Variants in DCP2 observed in about 807,000 individuals in gnomAD.
The protein encoded by DCP2 is m7GpppN-mRNA hydrolase.
Under a neutral mutation model 56.1 loss-of-function variants are expected in DCP2, and 30 were observed. That is an observed-to-expected ratio of 0.53 (90% CI 0.40 to 0.73). The LOEUF (loss-of-function observed/expected upper bound fraction) is 0.73. DCP2 is among the 30% of genes least tolerant of loss of function. The pLI is 0.00. For synonymous variants in DCP2, 197 were observed against 163.3 expected, an observed-to-expected ratio of 1.21 and a Z score of -1.57; for missense variants, 533 against 502.7, an observed-to-expected ratio of 1.06 and a Z score of -0.58.
intron 8 of DCP2, among the ~76,000 whole-genome samples, chr5:113,004,953 G>A (rs1181214328): frequency 6.6e-6 from 1 of 151,796 alleles, no homozygotes; most frequent in African/African-American, 2.4e-5. Flanking sequence ...GTGAAACCCC[G>A]TCTTTACTAA....
At chr5:112,995,041 A>C (rs4705744) in intron 4 of DCP2, among the ~76,000 whole-genome samples, 65,405 of 152,042 alleles carry the variant, frequency 0.43, 15,991 homozygotes, top group East Asian at 0.64. Context: ...AATAGTTAAA[A>C]TTTTTACAAA....
At chr5:112,983,170 T>C (rs1244451669) in intron 1 of DCP2, among the ~76,000 whole-genome samples, 1 of 152,216 alleles carries the variant, frequency 6.6e-6, no homozygotes, top group Non-Finnish European at 1.5e-5. Context: ...TATCAAAAAC[T>C]GATGAAGTCT....
intron 7 of DCP2, 90 bp from the exon 8 acceptor site, chr5:113,003,852 A>AT (rs1348311330): frequency 1.4e-5 from 20 of 1,418,442 alleles, no homozygotes; most frequent in Non-Finnish European, 2.0e-5. Flanking sequence ...AAATAAGAAA[A>AT]TATGTAGTCT....
intron 2 of DCP2, among the ~76,000 whole-genome samples, chr5:112,991,122 G>C (rs1428865454): frequency 6.6e-6 from 1 of 151,888 alleles, no homozygotes; most frequent in African/African-American, 2.4e-5. Flanking sequence ...TACCAATATG[G>C]TCTCTGAAAT....
rs1189423731 is a variant in DCP2 at position 113,020,441 on chromosome 5, C to CA, written c.*6960dup. On this transcript the variant is annotated 3_prime_UTR_variant, in exon 11 of 11. Transcript: ENST00000389063. ...TTCTTGGTGCTCTTTTGGAAATTGT[C>CA]AAACATTTACTGATAGCAGAAAAGG... The CA allele has an allele frequency of 2.6e-5, 4 of 152,136 alleles. No homozygotes were observed. Among genetic ancestry groups the CA allele is most frequent in the African/African-American group, 4.8e-5 (2 of 41,416 alleles). 9.4% of individuals were successfully genotyped at this position (152,136 alleles called of 1,614,324 possible).
chr5:113,000,916 G>C (rs907228754), intron 4 of DCP2, among the ~76,000 whole-genome samples, 168 bp from the exon 5 acceptor site: 2 of 152,116 alleles, frequency 1.3e-5, no homozygotes, highest in African/African-American at 4.8e-5. Flanking sequence ...TAGGGCACAA[G>C]AACTTTTTTT....
At chr5:112,997,613 C>CTT (rs555386404) in intron 4 of DCP2, among the ~76,000 whole-genome samples, 10 of 140,860 alleles carry the variant, frequency 7.1e-5, no homozygotes, top group South Asian at 2.3e-4. Flanking sequence ...TTTTCTTTTT[C>CTT]TTTTTTTTTT....
At chr5:113,008,223 A>G (rs1326740403) in intron 9 of DCP2, 181 bp downstream of exon 9, 6 of 510,758 alleles carry the variant, frequency 1.2e-5, no homozygotes, top group African/African-American at 7.6e-5. Flanking sequence ...GCTCTTAATT[A>G]CAAATGTATA....
At chr5:112,995,262 G>A (rs927274893) in intron 4 of DCP2, among the ~76,000 whole-genome samples, 29 of 152,228 alleles carry the variant, frequency 1.9e-4, no homozygotes, top group African/African-American at 7.0e-4. Flanking sequence ...TGGTGAGAAT[G>A]TGAGGAATTG....
intron 2 of DCP2, among the ~76,000 whole-genome samples, chr5:112,988,318 T>TG (rs767716677): frequency 2.9e-5 from 4 of 136,708 alleles, no homozygotes; most frequent in Admixed American, 1.5e-4. Context: ...CCGTCTCTAC[T>TG]AAAAAAAAAA....
intron 1 of DCP2, chr5:112,984,173 C>G (rs1159748803): frequency 4.6e-5 from 7 of 152,048 alleles, no homozygotes; most frequent in African/African-American, 1.7e-4. Flanking sequence ...GACTAGAAGT[C>G]TTAAAGATGA....
intron 4 of DCP2, among the ~76,000 whole-genome samples, chr5:112,999,439 C>G (rs543244375): frequency 1.3e-5 from 2 of 151,934 alleles, no homozygotes; most frequent in Non-Finnish European, 2.9e-5. Flanking sequence ...AGTGATTCTC[C>G]TGTCTCAGCC....
Position 113,016,661 on chromosome 5 carries a change from A to G in DCP2, c.*3177A>G, listed in dbSNP as rs1749897745. 1 of 152,200 alleles carries G rather than the reference A, an allele frequency of 6.6e-6. No homozygotes were observed. The highest frequency in any genetic ancestry group is 2.4e-5 in the African/African-American group (1 of 41,454). 9.4% of individuals were successfully genotyped at this position (152,200 alleles called of 1,614,324 possible). A position where few individuals can be genotyped will look rare whatever the true frequency, so the allele number is the denominator to read the frequency against. ...TATAAAAGTCACCATATTGTATCCT[A>G]TAGAAAAGTTAAGGTCTGAGTGCAT... On this transcript the variant is annotated 3_prime_UTR_variant, in exon 11 of 11. Transcript: ENST00000389063.
chr5:113,006,851 A>G (rs1245251987), intron 8 of DCP2, among the ~76,000 whole-genome samples: 1 of 152,198 alleles, frequency 6.6e-6, no homozygotes, highest in Non-Finnish European at 1.5e-5. Flanking sequence ...CATAAATCTT[A>G]GCCGGGAACG....
chr5:112,988,453 C>G (rs1205054178), intron 2 of DCP2, among the ~76,000 whole-genome samples: 1 of 142,424 alleles, frequency 7.0e-6, no homozygotes, highest in African/African-American at 2.6e-5. Flanking sequence ...GTTCGCGCCA[C>G]TGCACTCCAG....
At chr5:113,004,190 C>T (rs1036045876) in intron 8 of DCP2, 113 bp downstream of exon 8, 13 of 1,222,350 alleles carry the variant, frequency 1.1e-5, no homozygotes, top group African/African-American at 1.5e-5. Context: ...AGTTACTGAT[C>T]AAAGCCTGTA....
chr5:113,002,014 T>G (rs189385153), intron 7 of DCP2, among the ~76,000 whole-genome samples: 1 of 152,342 alleles, frequency 6.6e-6, no homozygotes, highest in Admixed American at 6.5e-5. Context: ...ATAATTGAGT[T>G]TCTAAAGACG....
At position 113,021,708 on chromosome 5, in the gene DCP2, T is replaced by A. The variant is rs1251431859; in HGVS notation, c.*8224T>A. Among the ~76,000 whole-genome samples, 2 of 152,070 alleles carry A rather than the reference T, an allele frequency of 1.3e-5. No individual in the cohort carries two copies. Among genetic ancestry groups the A allele is most frequent in the African/African-American group, 4.8e-5 (2 of 41,414 alleles). On this transcript the variant is annotated 3_prime_UTR_variant, in exon 11 of 11. Transcript: ENST00000389063. ...AAGGTGTTATACTTACTGTCAAAGTTACTTTGCTTCCATAGTGAAAACTTG... is the reference window on the plus strand; with the variant it reads ...AAGGTGTTATACTTACTGTCAAAGTAACTTTGCTTCCATAGTGAAAACTTG...
At chr5:113,011,888 C>T (rs1275796654) in intron 10 of DCP2, among the ~76,000 whole-genome samples, 1 of 152,102 alleles carries the variant, frequency 6.6e-6, no homozygotes, top group Non-Finnish European at 1.5e-5. Flanking sequence ...ATTTTTATGT[C>T]TGGTATATGA....
Sources: gnomAD v4.1 joint callset for allele counts (sites outside exome capture counted in the v4.1 genomes callset) on GRCh38, gnomAD v4.1.1 for gene constraint, MANE v1.5 for transcripts, NCBI Gene and HGNC (gene_info 2026-07-23, HGNC 2026-07-21) for gene names.